GOT1L1: variants seen among roughly 807,000 people sequenced by gnomAD.
GOT1L1 encodes aspartate aminotransferase, cytoplasmic 2.
A neutral mutation model predicts 43.6 loss-of-function variants in GOT1L1; 38 were observed. The ratio of observed to expected loss-of-function variants is 0.87; its 90% CI spans 0.67 to 1.14. GOT1L1 has a LOEUF of 1.14. Ranked by LOEUF, GOT1L1 falls within the 50% of genes most tolerant of loss-of-function variation. GOT1L1 has a pLI of 0.00. For synonymous variants in GOT1L1, 183 were observed against 187.2 expected, an observed-to-expected ratio of 0.98 and a Z score of 0.18; for missense variants, 482 against 504.0, an observed-to-expected ratio of 0.96 and a Z score of 0.42.
intron 2 of GOT1L1, among the ~76,000 whole-genome samples, chr8:37,938,119 G>A (rs949399705): frequency 2.6e-5 from 4 of 151,928 alleles, no homozygotes; most frequent in South Asian, 2.1e-4. Flanking sequence ...TAATGGAGGC[G>A]AGACGCAGTA....
In GOT1L1 at chr8:37,935,710, C is replaced by T; in HGVS notation, c.923G>A (p.Gly308Glu). Residue 308 changes from glycine (G) to glutamate (E), a missense_variant, in exon 7 of 9, where the codon GGA becomes GAA. Coordinates refer to ENST00000307599, the MANE Select transcript of GOT1L1 (RefSeq NM_152413.3). ...CTCCAGCCCTCACCCTTACCATTCT[C>T]CCAGCAGAGCAGGGTTGCAGAGGAT... ...TSILCNPALL[G>E]EWKQSLKEVV... The T allele has an allele frequency of 6.3e-7, 1 of 1,580,742 alleles. No individual in the cohort carries two copies. The highest frequency in any genetic ancestry group is 8.6e-7 in the Non-Finnish European group (1 of 1,163,844).
At chr8:37,934,658 C>T (rs1807696966) in intron 8 of GOT1L1, among the ~76,000 whole-genome samples, 172 bp from the exon 9 acceptor site, 1 of 152,126 alleles carries the variant, frequency 6.6e-6, no homozygotes, top group Admixed American at 6.5e-5. Flanking sequence ...GCAACCTTCG[C>T]CTCCCAGGTT....
intron 6 of GOT1L1, among the ~76,000 whole-genome samples, 175 bp downstream of exon 6, chr8:37,936,545 A>G (rs1254009216): frequency 6.6e-6 from 1 of 151,936 alleles, no homozygotes; most frequent in African/African-American, 2.4e-5. Flanking sequence ...GGGTTCTGTT[A>G]CTAGATTTAG....
intron 8 of GOT1L1, chr8:37,934,841 G>A (rs1807701816): frequency 1.2e-5 from 7 of 587,376 alleles, no homozygotes; most frequent in Admixed American, 3.2e-5. Flanking sequence ...CTCTCAAAGT[G>A]TTGGGATTAC....
chr8:37,934,549 G>T, intron 8 of GOT1L1, 63 bp from the exon 9 acceptor site: 2 of 1,206,670 alleles, frequency 1.7e-6, no homozygotes, highest in Non-Finnish European at 2.4e-6. Flanking sequence ...TCTAGCCCAG[G>T]CTGGTTTATT....
intron 3 of GOT1L1, 25 bp downstream of exon 3, chr8:37,937,613 T>C (rs750136190): frequency 6.8e-7 from 1 of 1,466,968 alleles, no homozygotes; most frequent in Non-Finnish European, 9.5e-7. Context: ...GGATTGCTGT[T>C]CCCCTCATCT....
In GOT1L1 at chr8:37,939,919, A is replaced by G. The variant is rs776016600; in HGVS notation, c.111T>C (p.Tyr37=). 3.7e-6 allele frequency: 6 copies of G among 1,612,788 alleles called. No individual in the cohort carries two copies. The African/African-American group carries it at 4.0e-5, about 11-fold the overall frequency. ...DDYPNKIFLA[Y]RVCMTNEGHP... is the part of the protein sequence containing the mutation. ...TCAGAACTGCTAGGCATCTACCTCT[A>G]TAGGCTAAGAATATCTTGTTCGGGT... The change falls in exon 1 of 9, where the codon TAT becomes TAC. Residue 37 remains tyrosine (Y), a synonymous_variant. Coordinates refer to ENST00000307599, the MANE Select transcript of GOT1L1 (RefSeq NM_152413.3).
Position 37,936,875 on chromosome 8 carries a change from A to T in GOT1L1, c.613-5T>A, listed in dbSNP as rs748245723. On this transcript the variant is annotated splice_polypyrimidine_tract_variant and splice_region_variant and intron_variant, in intron 5 of 8. Transcript: ENST00000307599. ...AAATGGGAATATCTGCTTGCTCTGTAGGAGAAAGGAGAACAAAAAAAGAAT... is the reference window on the plus strand; with the variant it reads ...AAATGGGAATATCTGCTTGCTCTGTTGGAGAAAGGAGAACAAAAAAAGAAT... 5 of 1,611,428 alleles carry T rather than the reference A, an allele frequency of 3.1e-6. No individual in the cohort carries two copies. The highest frequency in any genetic ancestry group is 4.2e-6 in the Non-Finnish European group (5 of 1,177,822).
rs149985985 is a variant in GOT1L1 at position 37,939,178 on chromosome 8, G to A, written c.116-297C>T. Among the ~76,000 whole-genome samples the A allele has an allele frequency of 3.5e-3, 536 of 152,028 alleles. 5 individuals are homozygous for A. In the East Asian group the frequency reaches 0.044, roughly 12 times the overall value. Reference sequence around the variant, plus strand: ...GCCTGTAATCCCAGCACTTCGGGAGGCTAAGGTGGGTGGATCACTTGAGTT... The same window carrying A: ...GCCTGTAATCCCAGCACTTCGGGAGACTAAGGTGGGTGGATCACTTGAGTT... On this transcript the variant is annotated intron_variant, in intron 1 of 8. Coordinates refer to ENST00000307599, the MANE Select transcript of GOT1L1 (RefSeq NM_152413.3).
At chr8:37,937,206 G>C in intron 4 of GOT1L1, 71 bp downstream of exon 4, 1 of 1,225,374 alleles carries the variant, frequency 8.2e-7, no homozygotes. Context: ...GACTTAAGAG[G>C]TGTGGGGAGG....
At chr8:37,938,925 G>A (rs1367058397) in intron 1 of GOT1L1, 44 bp from the exon 2 acceptor site, 1 of 1,588,556 alleles carries the variant, frequency 6.3e-7, no homozygotes, top group Admixed American at 1.7e-5. Context: ...CCTGGTTTGG[G>A]CCCCCAGGGC....
At chr8:37,938,677 CA>C in intron 2 of GOT1L1, 22 bp downstream of exon 2, 1 of 1,547,960 alleles carries the variant, frequency 6.5e-7, no homozygotes, top group Non-Finnish European at 8.7e-7. Flanking sequence ...CTAAATGAGC[CA>C]GGGGAGGGCC....
chr8:37,939,434 ATATAT>A lies in GOT1L1; in HGVS notation c.115+476_115+480del, dbSNP rs1807864063. The stretch of plus-strand genomic sequence containing the variant: ...GTCTCAAGAAAAAAAAAAAAAAAAT[ATATAT>A]ATATATATATATATATATATATATA... On this transcript the variant is annotated intron_variant, in intron 1 of 8. Coordinates refer to ENST00000307599, the MANE Select transcript of GOT1L1 (RefSeq NM_152413.3). 3.8e-4 allele frequency among the ~76,000 whole-genome samples: 22 copies of A among 57,928 alleles called. 1 individual carries two copies. Among genetic ancestry groups the A allele is most frequent in the African/African-American group, 1.1e-3 (14 of 12,952 alleles). 38.0% of individuals were successfully genotyped at this position (57,928 alleles called of 152,430 possible).
At position 37,934,408 on chromosome 8, in the gene GOT1L1, T is replaced by C. The variant is rs543802799; in HGVS notation, c.1151A>G (p.Asn384Ser). 43 of 1,613,858 alleles carry C rather than the reference T, an allele frequency of 2.7e-5. 1 individual carries two copies. The highest frequency in any genetic ancestry group is 3.3e-5 in the Non-Finnish European group (39 of 1,179,734). Residue 384 changes from asparagine to serine, a missense_variant, in exon 9 of 9, where the codon AAT becomes AGT. Asn to Ser is a conservative substitution (Grantham distance 46, BLOSUM62 1). Transcript: ENST00000307599. The part of the protein sequence containing the change: ...KNGQINFSCI[N>S]ANNINYITEG... Reference sequence around the variant, plus strand: ...AGTGATGTAATTTATGTTGTTGGCATTGATACAGCTGAAGTTAATCTGACC... The same window carrying C: ...AGTGATGTAATTTATGTTGTTGGCACTGATACAGCTGAAGTTAATCTGACC...
chr8:37,935,992 C>T (rs1003908454), intron 6 of GOT1L1, 123 bp from the exon 7 acceptor site: 2 of 1,076,476 alleles, frequency 1.9e-6, no homozygotes, highest in Non-Finnish European at 2.6e-6. Context: ...CATTGCAGCC[C>T]AGCCAGGGTG....
rs772444398 is a variant in GOT1L1 at position 37,937,355 on chromosome 8, G to A, written c.441C>T (p.Gly147=). The A allele has an allele frequency of 6.2e-7, 1 of 1,608,326 alleles. No homozygotes were observed. Among genetic ancestry groups the A allele is most frequent in the Admixed American group, 1.7e-5 (1 of 58,704 alleles). ...ELHGLVFQDM[G]FTVYEYSVWD... ...AGACAGAGTATTCATAAACTGTAAA[G>A]CCCATGTCCTGGAAGACGAGTCCAT... The change falls in exon 4 of 9, where the codon GGC becomes GGT. Residue 147 remains glycine, a synonymous_variant. Coordinates refer to ENST00000307599, the MANE Select transcript of GOT1L1 (RefSeq NM_152413.3).
At chr8:37,934,558 T>C (rs1387136519) in intron 8 of GOT1L1, 72 bp from the exon 9 acceptor site, 2 of 1,090,118 alleles carry the variant, frequency 1.8e-6, no homozygotes, top group African/African-American at 3.2e-5. Context: ...GGCTGGTTTA[T>C]TTTCTTATTT....
At position 37,939,901 on chromosome 8, in the gene GOT1L1, T is replaced by G; in HGVS notation, c.115+14A>C. ...TCACTTAAGTCTTATACTTCAGAAC[T>G]GCTAGGCATCTACCTCTATAGGCTA... On this transcript the variant is annotated intron_variant, in intron 1 of 8. Coordinates refer to ENST00000307599, the MANE Select transcript of GOT1L1 (RefSeq NM_152413.3). 1 of 1,610,422 alleles carries G rather than the reference T, an allele frequency of 6.2e-7. No individual in the cohort carries two copies. Among genetic ancestry groups the G allele is most frequent in the Non-Finnish European group, 8.5e-7 (1 of 1,177,888 alleles).
rs140673650 is a variant in GOT1L1 at position 37,939,988 on chromosome 8, G to A, written c.42C>T (p.His14=). The change falls in exon 1 of 9, where the codon CAC becomes CAT. Residue 14 remains histidine, a synonymous_variant. Coordinates refer to ENST00000307599, the MANE Select transcript of GOT1L1 (RefSeq NM_152413.3). Reference sequence around the variant, plus strand: ...TCTTTAACAAGCTGCCCTCTAGCTTGTGGGCGAGGGGCACATCCATGAACA... The same window carrying A: ...TCTTTAACAAGCTGCCCTCTAGCTTATGGGCGAGGGGCACATCCATGAACA... ...LSVFMDVPLA[H]KLEGSLLKTY... The A allele has an allele frequency of 5.0e-4, 799 of 1,613,634 alleles. 3 individuals are homozygous for A. In the African/African-American group the frequency reaches 9.2e-3, roughly 19 times the overall value.
Sources: gnomAD v4.1 joint callset for allele counts (sites outside exome capture counted in the v4.1 genomes callset) on GRCh38, gnomAD v4.1.1 for gene constraint, MANE v1.5 for transcripts, NCBI Gene and HGNC (gene_info 2026-07-23, HGNC 2026-07-21) for gene names.